VSTM2A: variants seen among roughly 807,000 people sequenced by gnomAD.
VSTM2A encodes the protein V-set and transmembrane domain-containing protein 2A.
VSTM2A carries 13 observed loss-of-function variants against 27.3 expected under a neutral mutation model. The ratio of observed to expected loss-of-function variants is 0.48; its 90% CI spans 0.31 to 0.76. The LOEUF (loss-of-function observed/expected upper bound fraction) is 0.76, where lower values mean the gene tolerates loss of function less well. Among genes scored for constraint, VSTM2A ranks in the 30% least tolerant of loss-of-function variants. The pLI, the probability that VSTM2A is intolerant of heterozygous loss-of-function variation, is 0.05. For synonymous variants in VSTM2A, 142 were observed against 125.7 expected, an observed-to-expected ratio of 1.13 and a Z score of -0.87; for missense variants, 280 against 310.0, an observed-to-expected ratio of 0.90 and a Z score of 0.73.
intron 1 of VSTM2A, among the ~76,000 whole-genome samples, chr7:54,543,838 G>A (rs970356141): frequency 6.6e-6 from 1 of 152,176 alleles, no homozygotes; most frequent in East Asian, 1.9e-4. Flanking sequence ...GCCTTTAGGA[G>A]GAAGGAAACA....
At chr7:54,547,597 G>C (rs1235022087) in intron 3 of VSTM2A, among the ~76,000 whole-genome samples, 3 of 152,086 alleles carry the variant, frequency 2.0e-5, no homozygotes, top group South Asian at 2.1e-4. Flanking sequence ...CTTTTAATAA[G>C]TGTGTGTAAA....
intron 4 of VSTM2A, chr7:54,554,168 C>T: frequency 6.6e-7 from 1 of 1,506,150 alleles, no homozygotes. Flanking sequence ...TCTCGTCCTT[C>T]CCAGTCTCTA....
In VSTM2A at chr7:54,542,756, T is replaced by C; in HGVS notation, c.26T>C (p.Val9Ala). MMGIFLVY[V>A]GFVFFSVLYV... ...ATGATGGGGATCTTTTTGGTGTATG[T>C]TGGATTTGTTTTCTTTTCCGTTTTA... Residue 9 changes from valine to alanine, a missense_variant, in exon 1 of 5, where the codon GTT (valine) becomes GCT (alanine). Coordinates refer to ENST00000402613, the MANE Select transcript of VSTM2A (RefSeq NM_001301009.2). 2 of 1,613,868 alleles carry C rather than the reference T, an allele frequency of 1.2e-6. No homozygotes were observed. Among genetic ancestry groups the C allele is most frequent in the East Asian group, 4.5e-5 (2 of 44,872 alleles).
chr7:54,566,618 A>G (rs962159731), intron 4 of VSTM2A, among the ~76,000 whole-genome samples: 1 of 152,250 alleles, frequency 6.6e-6, no homozygotes, highest in African/African-American at 2.4e-5. Flanking sequence ...AGCAGAGAGC[A>G]AAAGAAACCA....
chr7:54,567,603 G>T (rs1279169770), intron 4 of VSTM2A, among the ~76,000 whole-genome samples: 2 of 152,130 alleles, frequency 1.3e-5, no homozygotes, highest in Admixed American at 1.3e-4. Context: ...ATGCTGAAAA[G>T]AAAACCAATA....
intron 4 of VSTM2A, among the ~76,000 whole-genome samples, chr7:54,563,391 A>C (rs1788621445): frequency 6.6e-6 from 1 of 152,194 alleles, no homozygotes; most frequent in Non-Finnish European, 1.5e-5. Context: ...AGAGGTAAAG[A>C]AATCGTAAGT....
At chr7:54,564,836 A>T (rs545639512) in intron 4 of VSTM2A, among the ~76,000 whole-genome samples, 1 of 141,240 alleles carries the variant, frequency 7.1e-6, no homozygotes, top group East Asian at 2.0e-4. Context: ...TGTAAGCTGT[A>T]AAAGTCTATG....
intron 1 of VSTM2A, among the ~76,000 whole-genome samples, chr7:54,544,059 G>A (rs1053180707): frequency 1.3e-5 from 2 of 152,206 alleles, no homozygotes; most frequent in Non-Finnish European, 2.9e-5. Context: ...TTAATTTGGA[G>A]AGAAGGAAAC....
At chr7:54,561,613 C>T (rs983401204) in intron 4 of VSTM2A, among the ~76,000 whole-genome samples, 22 of 152,016 alleles carry the variant, frequency 1.4e-4, no homozygotes, top group African/African-American at 3.9e-4. Flanking sequence ...AAAAATCTTG[C>T]GTCAAATATT....
intron 1 of VSTM2A, among the ~76,000 whole-genome samples, 175 bp from the exon 2 acceptor site, chr7:54,544,447 A>C (rs1421640426): frequency 6.6e-6 from 1 of 152,222 alleles, no homozygotes; most frequent in Non-Finnish European, 1.5e-5. Context: ...TGATACCAAA[A>C]GTTAGACAGG....
At chr7:54,553,499 G>A (rs1788253174) in intron 4 of VSTM2A, among the ~76,000 whole-genome samples, 1 of 152,166 alleles carries the variant, frequency 6.6e-6, no homozygotes, top group Admixed American at 6.5e-5. Flanking sequence ...CTTATCAAGA[G>A]AAGATGCCAA....
rs1584068067 is a variant in VSTM2A at position 54,565,042 on chromosome 7, G to T, written c.635-4089G>T. On this transcript the variant is annotated intron_variant, in intron 4 of 4. Coordinates refer to ENST00000402613, the MANE Select transcript of VSTM2A (RefSeq NM_001301009.2). ...ATGTTATATGTGAACTATGGTATAT[G>T]TGGTACATTTCCTCTGAAAAGATGA... is the stretch of plus-strand genomic sequence containing the variant. Among the ~76,000 whole-genome samples the T allele has an allele frequency of 6.1e-5, 8 of 131,930 alleles. No individual in the cohort carries two copies. The South Asian group carries it at 2.0e-3, about 33-fold the overall frequency. The allele number at this position is 131,930 out of a possible 152,430, so 86.6% of individuals were successfully genotyped here. A position where few individuals can be genotyped will look rare whatever the true frequency, so the allele number is the denominator to read the frequency against.
intron 4 of VSTM2A, among the ~76,000 whole-genome samples, chr7:54,556,243 T>C (rs905612838): frequency 7.9e-5 from 12 of 152,206 alleles, no homozygotes; most frequent in African/African-American, 2.9e-4. Context: ...TACTTGTGTC[T>C]CCGTGTGTGG....
chr7:54,543,038 G>T (rs1380470398), intron 1 of VSTM2A, among the ~76,000 whole-genome samples: 3 of 152,096 alleles, frequency 2.0e-5, no homozygotes, highest in Non-Finnish European at 2.9e-5. Flanking sequence ...GGGCTCCTCG[G>T]TGAGCACAAA....
At position 54,568,881 on chromosome 7, in the gene VSTM2A, G is replaced by C. The variant is rs1034967500; in HGVS notation, c.635-250G>C. On this transcript the variant is annotated intron_variant, in intron 4 of 4. Transcript: ENST00000402613. The stretch of plus-strand genomic sequence containing the variant: ...TGTTGTTGTTTGCAGTGCATGCCAA[G>C]ACATTCATGAGCACCAGAGCCAAGC... 41 of 974,174 alleles carry C rather than the reference G, an allele frequency of 4.2e-5. No homozygotes were observed. In the African/African-American group the frequency reaches 6.2e-4, roughly 15 times the overall value. 60.3% of individuals were successfully genotyped at this position (974,174 alleles called of 1,614,324 possible). A position where few individuals can be genotyped will look rare whatever the true frequency, so the allele number is the denominator to read the frequency against.
intron 4 of VSTM2A, among the ~76,000 whole-genome samples, chr7:54,566,117 C>T (rs911924883): frequency 4.6e-5 from 7 of 152,150 alleles, no homozygotes; most frequent in African/African-American, 1.7e-4. Context: ...AAAAACAAAG[C>T]AAATGAAAGG....
At chr7:54,563,719 C>T (rs1788633715) in intron 4 of VSTM2A, among the ~76,000 whole-genome samples, 1 of 152,136 alleles carries the variant, frequency 6.6e-6, no homozygotes, top group South Asian at 2.1e-4. Context: ...TAAGAGCCCT[C>T]ATAACTAGAA....
At chr7:54,548,247 C>G (rs957081615) in intron 3 of VSTM2A, among the ~76,000 whole-genome samples, 2 of 152,148 alleles carry the variant, frequency 1.3e-5, no homozygotes, top group African/African-American at 4.8e-5. Flanking sequence ...CATTGAGAAA[C>G]ATGATTACAC....
chr7:54,567,538 G>T (rs1352482012), intron 4 of VSTM2A, among the ~76,000 whole-genome samples: 3 of 152,096 alleles, frequency 2.0e-5, no homozygotes, highest in African/African-American at 7.2e-5. Context: ...ATTAAGAAAG[G>T]GATGACATAA....
Sources: allele counts gnomAD v4.1 joint callset (sites outside exome capture counted in the v4.1 genomes callset), GRCh38; gene constraint gnomAD v4.1.1; transcripts MANE v1.5; gene names NCBI Gene and HGNC (gene_info 2026-07-23, HGNC 2026-07-21).